The following MAF variants were observed in gnomAD, a reference collection of about 807,000 sequenced individuals.
MAF encodes MAF bZIP transcription factor, also known as transcription factor Maf.
MAF carries 10 observed loss-of-function variants against 22.0 expected under a neutral mutation model. The observed-to-expected ratio is 0.45, with a 90% confidence interval of 0.28 to 0.77. The LOEUF is 0.77. Among genes scored for constraint, MAF ranks in the 30% least tolerant of loss-of-function variants. The pLI, the probability that MAF is intolerant of heterozygous loss-of-function variation, is 0.12. For synonymous variants in MAF, 337 were observed against 255.8 expected (o/e 1.32, Z -3.03); for missense variants, 544 against 548.4 (o/e 0.99, Z 0.08).
the MAF span, chr16:79,211,763 G>T: frequency 6.2e-7 from 1 of 1,614,174 alleles, no homozygotes. Flanking sequence ...GCGAGAGGCT[G>T]ATCCAAGAAC....
At chr16:79,206,928 T>A in the MAF span, among the ~76,000 whole-genome samples, 2 of 152,154 alleles carry the variant, frequency 1.3e-5, no homozygotes, top group Admixed American at 1.3e-4. Context: ...CAAGTGGCCT[T>A]TTGGAGCAGT....
At chr16:79,563,090 C>G in the MAF span, among the ~76,000 whole-genome samples, 1 of 150,878 alleles carries the variant, frequency 6.6e-6, no homozygotes, top group East Asian at 2.0e-4. Context: ...TGGAAACAGA[C>G]AGCAGAACTT....
chr16:79,295,376 T>C, the MAF span, among the ~76,000 whole-genome samples: 1,012 of 152,304 alleles, frequency 6.6e-3, 6 homozygotes, highest in Non-Finnish European at 0.011. Flanking sequence ...AGAAGATTTA[T>C]GGAGCGAAAA....
rs1344280354 is a variant in MAF at position 79,599,092 on chromosome 16, C to G, written c.811G>C (p.Val271Leu). The G allele has an allele frequency of 6.2e-7, 1 of 1,607,814 alleles. No homozygotes were observed. The highest frequency in any genetic ancestry group is 8.5e-7 in the Non-Finnish European group (1 of 1,179,436). ...CGCAGCTGCCGGTTCAGCTCGCGCA[C>G]AGACATGGTCACCAGCTGCTCGTCG... ...FSDEQLVTMSVRELNRQLRGV... is the reference protein window; with the variant it reads ...FSDEQLVTMSLRELNRQLRGV... Residue 271 changes from valine (V) to leucine (L), a missense_variant, in exon 1 of 2, where the codon GTG becomes CTG. Transcript: ENST00000326043.
chr16:79,484,065 G>C, the MAF span, among the ~76,000 whole-genome samples: 1 of 152,156 alleles, frequency 6.6e-6, no homozygotes, highest in African/African-American at 2.4e-5. Flanking sequence ...TTTCCTTTGA[G>C]AGCTTCCTCC....
the MAF span, among the ~76,000 whole-genome samples, chr16:79,341,142 G>C: frequency 1.2e-4 from 18 of 152,190 alleles, no homozygotes; most frequent in African/African-American, 4.3e-4. Flanking sequence ...TGGGCTGGCA[G>C]AAGAACATAG....
the MAF span, among the ~76,000 whole-genome samples, chr16:79,296,012 G>C: frequency 6.6e-6 from 1 of 152,352 alleles, no homozygotes; most frequent in African/African-American, 2.4e-5. Flanking sequence ...CATGGGTGGG[G>C]CTGTCCCCCT....
the MAF span, among the ~76,000 whole-genome samples, chr16:79,376,663 G>A: frequency 6.6e-6 from 1 of 152,064 alleles, no homozygotes; most frequent in African/African-American, 2.4e-5. Flanking sequence ...ATCTCCTAAT[G>A]CTATCCCTCT....
chr16:79,444,832 G>C, the MAF span, among the ~76,000 whole-genome samples: 1 of 152,106 alleles, frequency 6.6e-6, no homozygotes, highest in Non-Finnish European at 1.5e-5. Flanking sequence ...GGAAATCCCA[G>C]ATTGATTTCA....
rs573284908 is a variant in MAF, at chr16:79,600,223, C to G, written c.-321G>C. The G allele has an allele frequency of 3.5e-6, 1 of 287,404 alleles. No homozygotes were observed. The highest frequency in any genetic ancestry group is 5.5e-5 in the Admixed American group (1 of 18,132). 17.8% of individuals were successfully genotyped at this position (287,404 alleles called of 1,614,324 possible). A position where few individuals can be genotyped will look rare whatever the true frequency, so the allele number is the denominator to read the frequency against. ...CAGGCTCGGGAAGATCCTCCGCGAG[C>G]TGCGGTGGCGGCGGTGGTGGCTGCG... On this transcript the variant is annotated 5_prime_UTR_variant, in exon 1 of 2. Coordinates refer to ENST00000326043, the MANE Select transcript of MAF (RefSeq NM_005360.5).
the MAF span, among the ~76,000 whole-genome samples, chr16:79,463,911 T>C: frequency 1.3e-5 from 2 of 151,260 alleles, no homozygotes; most frequent in Non-Finnish European, 2.9e-5. Context: ...AAATGGAAAC[T>C]GACACTGCTT....
At chr16:79,255,734 G>C in the MAF span, among the ~76,000 whole-genome samples, 1 of 152,134 alleles carries the variant, frequency 6.6e-6, no homozygotes, top group Non-Finnish European at 1.5e-5. Context: ...TGGACGCTCA[G>C]CTCATCAAGA....
the MAF span, chr16:79,211,726 A>G: frequency 1.9e-6 from 3 of 1,614,108 alleles, no homozygotes; most frequent in African/African-American, 2.7e-5. Flanking sequence ...CAGAGCGAAG[A>G]GACGGCCCGG....
the MAF span, among the ~76,000 whole-genome samples, chr16:79,225,359 A>T: frequency 6.6e-6 from 1 of 152,178 alleles, no homozygotes; most frequent in Non-Finnish European, 1.5e-5. Flanking sequence ...ACAAAAATTA[A>T]CTCAAGCTGG....
At chr16:79,566,575 C>G in the MAF span, among the ~76,000 whole-genome samples, 1 of 152,332 alleles carries the variant, frequency 6.6e-6, no homozygotes, top group Non-Finnish European at 1.5e-5. Flanking sequence ...TCTGCACCCT[C>G]GTGGCCATTT....
chr16:79,374,183 C>A, the MAF span, among the ~76,000 whole-genome samples: 61 of 152,252 alleles, frequency 4.0e-4, 1 homozygote, highest in African/African-American at 1.4e-3. Flanking sequence ...TAACTTGTGC[C>A]CCTATTTGTT....
chr16:79,224,271 C>T, the MAF span, among the ~76,000 whole-genome samples: 2 of 152,204 alleles, frequency 1.3e-5, no homozygotes, highest in Non-Finnish European at 2.9e-5. Context: ...ACATGATTCT[C>T]GCAATAGATG....
At chr16:79,493,132 G>T in the MAF span, among the ~76,000 whole-genome samples, 2 of 140,776 alleles carry the variant, frequency 1.4e-5, no homozygotes, top group Non-Finnish European at 3.0e-5. Context: ...TAATCTTTCT[G>T]TTTTTTTTTT....
At chr16:79,431,286 G>T in the MAF span, among the ~76,000 whole-genome samples, 7 of 152,136 alleles carry the variant, frequency 4.6e-5, no homozygotes, top group Non-Finnish European at 2.9e-5. Flanking sequence ...TGATACTTAG[G>T]CTGCTGAGGA....
Sources: allele counts gnomAD v4.1 joint callset (sites outside exome capture counted in the v4.1 genomes callset), GRCh38; gene constraint gnomAD v4.1.1; transcripts MANE v1.5; gene names NCBI Gene and HGNC (gene_info 2026-07-23, HGNC 2026-07-21).